SAMD5: variants seen among roughly 807,000 people sequenced by gnomAD.
The protein encoded by SAMD5 is sterile alpha motif domain-containing protein 5.
Under a neutral mutation model 11.3 loss-of-function variants are expected in SAMD5, and 13 were observed. The observed-to-expected ratio is 1.15, with a 90% CI of 0.75 to 1.83. The LOEUF (loss-of-function observed/expected upper bound fraction) is 1.83, where lower values mean the gene tolerates loss of function less well. Ranked by LOEUF, SAMD5 falls within the 40% of genes most tolerant of loss-of-function variation. SAMD5 has a pLI of 0.00. For synonymous variants in SAMD5, 129 were observed against 111.3 expected, an observed-to-expected ratio of 1.16 and a Z score of -1.00; for missense variants, 255 against 239.1, an observed-to-expected ratio of 1.07 and a Z score of -0.44.
At chr6:147,692,244 G>A (rs73014029) in intron 1 of SAMD5, among the ~76,000 whole-genome samples, 17,339 of 152,050 alleles carry the variant, frequency 0.11, 1,074 homozygotes, top group Middle Eastern at 0.16. Context: ...TCAACCCTGC[G>A]CAACTCTTAC....
At chr6:147,844,520 C>T in the SAMD5 span, among the ~76,000 whole-genome samples, 1 of 152,092 alleles carries the variant, frequency 6.6e-6, no homozygotes, top group Non-Finnish European at 1.5e-5. Flanking sequence ...ACCAGTGTGT[C>T]AAAGAGATGT....
intron 1 of SAMD5, among the ~76,000 whole-genome samples, chr6:147,723,377 C>T (rs937078173): frequency 6.6e-6 from 1 of 152,162 alleles, no homozygotes; most frequent in African/African-American, 2.4e-5. Flanking sequence ...TATTCTTCCC[C>T]CAAAATCATT....
intron 1 of SAMD5, among the ~76,000 whole-genome samples, chr6:147,726,146 T>G (rs1583155233): frequency 6.6e-6 from 1 of 152,162 alleles, no homozygotes; most frequent in Non-Finnish European, 1.5e-5. Flanking sequence ...TAAAAGAGAA[T>G]TTGGTTTCTG....
At chr6:147,695,046 T>C (rs534631629) in intron 1 of SAMD5, among the ~76,000 whole-genome samples, 1 of 152,332 alleles carries the variant, frequency 6.6e-6, no homozygotes, top group South Asian at 2.1e-4. Flanking sequence ...TGTCTGAATT[T>C]TGAAGGCTCA....
rs1791402528 is a variant in SAMD5 at position 147,711,686 on chromosome 6, G to C, written c.163-25631G>C. On this transcript the variant is annotated intron_variant, in intron 1 of 1. Transcript: ENST00000566741. This position sits in a 1 kb window ranked among gnomAD's most constrained non-coding sequence, Gnocchi z 4.1. ...CTTCAAAGGGGTCATTGCTGAATTT[G>C]TAATCAGATTGTAATGAATTTCAGC... Among the ~76,000 whole-genome samples, 1 of 152,204 alleles carries C rather than the reference G, an allele frequency of 6.6e-6. No homozygotes were observed. Among genetic ancestry groups the C allele is most frequent in the Admixed American group, 6.5e-5 (1 of 15,284 alleles).
the SAMD5 span, among the ~76,000 whole-genome samples, chr6:147,788,900 G>A: frequency 3.8e-4 from 58 of 151,952 alleles, no homozygotes; most frequent in African/African-American, 1.4e-3. Flanking sequence ...TGGCTAACAC[G>A]GTGAAACCCC....
At chr6:147,728,790 G>A (rs1162883228) in intron 1 of SAMD5, among the ~76,000 whole-genome samples, 3 of 152,144 alleles carry the variant, frequency 2.0e-5, no homozygotes, top group African/African-American at 4.8e-5. Flanking sequence ...TTCTGTAAAA[G>A]GATTGTAGCA....
chr6:147,921,413 G>A, the SAMD5 span, among the ~76,000 whole-genome samples: 3 of 152,096 alleles, frequency 2.0e-5, no homozygotes, highest in African/African-American at 7.2e-5. Flanking sequence ...GTCTATGAGA[G>A]ATTAGTGCCG....
chr6:147,635,899 A>T (rs573861906), intron 1 of SAMD5, among the ~76,000 whole-genome samples: 6 of 152,358 alleles, frequency 3.9e-5, no homozygotes, highest in African/African-American at 1.4e-4. Flanking sequence ...TGAGCTTGAG[A>T]ATCAGTGTTT....
the SAMD5 span, among the ~76,000 whole-genome samples, chr6:147,798,265 G>T: frequency 6.7e-6 from 1 of 149,614 alleles, no homozygotes. Context: ...CTGGTATGTT[G>T]TGTCTTTGTT....
chr6:147,660,258 T>G (rs1469134773), intron 1 of SAMD5, among the ~76,000 whole-genome samples: 1 of 152,196 alleles, frequency 6.6e-6, no homozygotes, highest in Non-Finnish European at 1.5e-5. Context: ...ATTCTACCAT[T>G]TATTACATGG....
At chr6:147,792,058 A>G in the SAMD5 span, among the ~76,000 whole-genome samples, 21 of 152,196 alleles carry the variant, frequency 1.4e-4, no homozygotes. Context: ...GCCTCTTACT[A>G]TAGCAAATTA....
At chr6:147,848,235 C>T in the SAMD5 span, among the ~76,000 whole-genome samples, 1 of 152,154 alleles carries the variant, frequency 6.6e-6, no homozygotes, top group Non-Finnish European at 1.5e-5. Context: ...ACATTTGCCT[C>T]AGTTTCCTCA....
At chr6:147,873,001 C>A in the SAMD5 span, among the ~76,000 whole-genome samples, 1 of 152,228 alleles carries the variant, frequency 6.6e-6, no homozygotes. Flanking sequence ...AACACAAGTG[C>A]GAACTGAATT....
At chr6:147,798,201 A>C in the SAMD5 span, among the ~76,000 whole-genome samples, 1 of 148,862 alleles carries the variant, frequency 6.7e-6, no homozygotes, top group Non-Finnish European at 1.5e-5. Flanking sequence ...TCTTGTGGGC[A>C]TTTAGTGTTA....
chr6:147,914,157 A>AC, the SAMD5 span, among the ~76,000 whole-genome samples: 1 of 123,398 alleles, frequency 8.1e-6, no homozygotes, highest in African/African-American at 3.5e-5. Context: ...TGTTTTTGCG[A>AC]CTTTTTTTTT....
intron 1 of SAMD5, among the ~76,000 whole-genome samples, chr6:147,511,855 A>G (rs1788095795): frequency 6.6e-6 from 1 of 152,172 alleles, no homozygotes; most frequent in Admixed American, 6.5e-5. Flanking sequence ...TGATGTAGCT[A>G]GTTTCTTCAT....
intron 1 of SAMD5, among the ~76,000 whole-genome samples, chr6:147,594,829 G>T (rs1016289768): frequency 1.3e-5 from 2 of 152,176 alleles, no homozygotes; most frequent in African/African-American, 2.4e-5. Context: ...GGTTGAAGTA[G>T]CCTCTGAAGC....
intron 1 of SAMD5, among the ~76,000 whole-genome samples, chr6:147,647,971 C>A (rs1284883048): frequency 6.6e-6 from 1 of 152,164 alleles, no homozygotes; most frequent in Non-Finnish European, 1.5e-5. Context: ...ATCAAGGTTA[C>A]GTGACAGAAT....
Sources: gnomAD v4.1 joint callset for allele counts (sites outside exome capture counted in the v4.1 genomes callset) on GRCh38, gnomAD v4.1.1 for gene constraint, Gnocchi (gnomAD v3.1) non-coding constraint, MANE v1.5 for transcripts, NCBI Gene and HGNC (gene_info 2026-07-23, HGNC 2026-07-21) for gene names.